PRKD1: variants seen among roughly 807,000 people sequenced by gnomAD.
PRKD1 encodes serine/threonine-protein kinase D1.
Under a neutral mutation model 95.9 loss-of-function variants are expected in PRKD1, and 63 were observed. The ratio of observed to expected loss-of-function variants is 0.66; its 90% confidence interval spans 0.54 to 0.81. The LOEUF (loss-of-function observed/expected upper bound fraction) is 0.81. PRKD1 is among the 30% of genes least tolerant of loss of function. The pLI is 0.00. For missense variants in PRKD1, 1,048 were observed against 1,165.3 expected, an observed-to-expected ratio of 0.90 and a Z score of 1.47; for synonymous variants, 425 against 423.1, an observed-to-expected ratio of 1.00 and a Z score of -0.05.
At chr14:29,752,356 A>G (rs1887515891) in intron 1 of PRKD1, among the ~76,000 whole-genome samples, 1 of 152,096 alleles carries the variant, frequency 6.6e-6, no homozygotes, top group South Asian at 2.1e-4. Flanking sequence ...TAACAAAAGG[A>G]TAATAAATTA....
chr14:29,663,720 A>G lies in PRKD1; in HGVS notation c.675T>C (p.Ser225=), dbSNP rs1366072868. The G allele has an allele frequency of 1.2e-6, 2 of 1,613,720 alleles. No homozygotes were observed. The highest frequency in any genetic ancestry group is 1.3e-5 in the African/African-American group (1 of 74,896). ...IRTSSAELST[S]APDEPLLQKS... ...ATACCAGAAGGGGCTCATCAGGGGC[A>G]CTTGTAGAGAGTTCAGCAGATGATG... is the stretch of plus-strand genomic sequence containing the variant. The change falls in exon 4 of 18, where the codon AGT becomes AGC. Residue 225 remains serine, a synonymous_variant. Coordinates refer to ENST00000331968, the MANE Select transcript of PRKD1 (RefSeq NM_002742.3).
intron 1 of PRKD1, among the ~76,000 whole-genome samples, chr14:29,760,279 T>G (rs1021371673): frequency 9.9e-5 from 15 of 151,906 alleles, no homozygotes; most frequent in African/African-American, 3.6e-4. Context: ...ACTGGTTCAT[T>G]AAAACAGCGT....
chr14:29,577,579 C>G, intron 17 of PRKD1, 123 bp from the exon 18 acceptor site: 1 of 923,860 alleles, frequency 1.1e-6, no homozygotes, highest in Non-Finnish European at 1.7e-6. Context: ...AGCGCTGAAT[C>G]TTTCATCACG....
intron 2 of PRKD1, among the ~76,000 whole-genome samples, chr14:29,674,594 T>G (rs1309679362): frequency 6.6e-6 from 1 of 152,088 alleles, no homozygotes; most frequent in Non-Finnish European, 1.5e-5. Flanking sequence ...AGCTAATGAG[T>G]GCAAGCACTG....
intron 1 of PRKD1, among the ~76,000 whole-genome samples, chr14:29,754,767 C>A (rs2139470101): frequency 6.6e-6 from 1 of 152,140 alleles, no homozygotes; most frequent in Non-Finnish European, 1.5e-5. Context: ...AGAACAAATA[C>A]CTCTGCCTTT....
intron 1 of PRKD1, among the ~76,000 whole-genome samples, chr14:29,726,968 C>T (rs970614841): frequency 8.5e-5 from 13 of 152,082 alleles, no homozygotes; most frequent in African/African-American, 2.2e-4. Flanking sequence ...CCTGAGGAAT[C>T]GCCACACTGA....
chr14:29,662,912 C>T (rs1291461734), intron 4 of PRKD1, among the ~76,000 whole-genome samples: 1 of 151,144 alleles, frequency 6.6e-6, no homozygotes, highest in Admixed American at 6.6e-5. Context: ...AAACTATTAG[C>T]GTATTTCAGA....
At chr14:29,729,125 A>G (rs1469532002) in intron 1 of PRKD1, among the ~76,000 whole-genome samples, 1 of 152,118 alleles carries the variant, frequency 6.6e-6, no homozygotes, top group Non-Finnish European at 1.5e-5. Flanking sequence ...TATTCTACAA[A>G]TCGCATTGTT....
chr14:29,638,411 A>G (rs1880520168), intron 6 of PRKD1, 78 bp downstream of exon 6: 1 of 1,539,836 alleles, frequency 6.5e-7, no homozygotes, highest in African/African-American at 1.4e-5. Context: ...ACCAAAACCA[A>G]AAACCCTGAC....
At chr14:29,866,136 C>T (rs1432792905) in intron 1 of PRKD1, among the ~76,000 whole-genome samples, 3 of 150,642 alleles carry the variant, frequency 2.0e-5, no homozygotes, top group Admixed American at 1.3e-4. Flanking sequence ...TAAAGTGATA[C>T]AGAAAAGCAG....
chr14:29,735,575 T>C (rs192431093), intron 1 of PRKD1, among the ~76,000 whole-genome samples: 1 of 152,206 alleles, frequency 6.6e-6, no homozygotes, highest in African/African-American at 2.4e-5. Context: ...CTCAACTTTA[T>C]AAAGACTTCT....
At chr14:29,719,804 G>T (rs1339045879) in intron 2 of PRKD1, among the ~76,000 whole-genome samples, 1 of 152,140 alleles carries the variant, frequency 6.6e-6, no homozygotes, top group Non-Finnish European at 1.5e-5. Flanking sequence ...CAGAGAGACT[G>T]GATCATCCTC....
At chr14:29,689,928 T>G (rs771601336) in intron 2 of PRKD1, among the ~76,000 whole-genome samples, 4 of 152,156 alleles carry the variant, frequency 2.6e-5, no homozygotes, top group Non-Finnish European at 5.9e-5. Flanking sequence ...TGACAACACA[T>G]GGACACAGGT....
intron 1 of PRKD1, among the ~76,000 whole-genome samples, chr14:29,738,649 C>A (rs375944153): frequency 1.4e-4 from 21 of 152,254 alleles, no homozygotes; most frequent in African/African-American, 4.8e-4. Context: ...ATGCAGATAA[C>A]TCAGAAAAAT....
At chr14:29,580,459 TA>T (rs1012431303) in intron 16 of PRKD1, among the ~76,000 whole-genome samples, 1 of 152,034 alleles carries the variant, frequency 6.6e-6, no homozygotes, top group African/African-American at 2.4e-5. Context: ...TATGTATAAA[TA>T]AATGTGTGTG....
At chr14:29,768,070 G>A (rs924297459) in intron 1 of PRKD1, among the ~76,000 whole-genome samples, 4 of 152,074 alleles carry the variant, frequency 2.6e-5, no homozygotes, top group Non-Finnish European at 5.9e-5. Context: ...ACTTCTGAAC[G>A]GAGCAAGACC....
chr14:29,872,495 T>C (rs568743322), intron 1 of PRKD1, among the ~76,000 whole-genome samples: 2 of 151,644 alleles, frequency 1.3e-5, no homozygotes, highest in Admixed American at 6.6e-5. Flanking sequence ...CTACTAAAAA[T>C]ACAAAAATTA....
intron 2 of PRKD1, among the ~76,000 whole-genome samples, chr14:29,693,213 T>C (rs968322979): frequency 2.0e-5 from 3 of 152,166 alleles, no homozygotes; most frequent in African/African-American, 7.2e-5. Flanking sequence ...TGTCACAGTT[T>C]AATGTTGATA....
At position 29,630,762 on chromosome 14, in the gene PRKD1, C is replaced by A. The variant is rs766516564; in HGVS notation, c.1652G>T (p.Gly551Val). The change falls in exon 10 of 18, where the codon GGT (glycine) becomes GTT (valine). Residue 551 changes from glycine to valine, a missense_variant. Gly to Val is a moderately radical substitution (Grantham distance 109). This residue lies in a region of PRKD1 where 739 missense variants were observed against 861.9 expected (regional missense o/e 0.86). Coordinates refer to ENST00000331968, the MANE Select transcript of PRKD1 (RefSeq NM_002742.3). ...MPVIPKGSSV[G>V]TGTNLHRDIS... ...CTCACTGTGCAAGTTGGTTCCTGTA[C>A]CCACGGAGGAGCCCTTGGGAATGAC... is the stretch of plus-strand genomic sequence containing the variant. The A allele has an allele frequency of 6.2e-7, 1 of 1,614,026 alleles. No individual in the cohort carries two copies. Among genetic ancestry groups the A allele is most frequent in the Non-Finnish European group, 8.5e-7 (1 of 1,179,978 alleles).
Sources: gnomAD v4.1 joint callset for allele counts (sites outside exome capture counted in the v4.1 genomes callset) on GRCh38, gnomAD v4.1.1 for gene constraint, gnomAD v4.1.1 regional missense constraint, MANE v1.5 for transcripts, NCBI Gene and HGNC (gene_info 2026-07-23, HGNC 2026-07-21) for gene names.